TTLL1: variants seen among roughly 807,000 people sequenced by gnomAD.
TTLL1 encodes the protein polyglutamylase complex subunit TTLL1.
A neutral mutation model predicts 47.8 loss-of-function variants in TTLL1; 33 were observed. The ratio of observed to expected loss-of-function variants is 0.69; its 90% CI spans 0.52 to 0.92. The LOEUF is 0.92. Among genes scored for constraint, TTLL1 ranks in the 40% least tolerant of loss-of-function variants. The pLI is 0.00. For synonymous variants in TTLL1, 225 were observed against 214.1 expected, an observed-to-expected ratio of 1.05 and a Z score of -0.45; for missense variants, 488 against 547.5, an observed-to-expected ratio of 0.89 and a Z score of 1.08.
intron 7 of TTLL1, among the ~76,000 whole-genome samples, chr22:43,061,928 T>G (rs1267779726): frequency 6.6e-6 from 1 of 152,230 alleles, no homozygotes; most frequent in East Asian, 1.9e-4. Context: ...GGGCTTCTTT[T>G]GTTCCATGAT....
chr22:43,055,405 C>G (rs933511480), intron 8 of TTLL1, among the ~76,000 whole-genome samples: 3 of 152,052 alleles, frequency 2.0e-5, no homozygotes, highest in African/African-American at 7.2e-5. Flanking sequence ...GATCACAGCT[C>G]CCTGTAGCCT....
intron 5 of TTLL1, among the ~76,000 whole-genome samples, chr22:43,065,559 G>A (rs1481790342): frequency 4.0e-5 from 6 of 151,696 alleles, no homozygotes; most frequent in Admixed American, 3.9e-4. Flanking sequence ...CAAAGTGCTG[G>A]GATTACAGGC....
At chr22:43,078,399 G>A (rs1377485760) in intron 2 of TTLL1, among the ~76,000 whole-genome samples, 2 of 152,152 alleles carry the variant, frequency 1.3e-5, no homozygotes, top group African/African-American at 2.4e-5. Flanking sequence ...AGGAGGCTGA[G>A]GCAGGAGAAT....
intron 8 of TTLL1, among the ~76,000 whole-genome samples, chr22:43,054,423 CTTT>C (rs767193512): frequency 5.0e-5 from 7 of 139,234 alleles, no homozygotes; most frequent in Non-Finnish European, 4.7e-5. Flanking sequence ...GACATAATCT[CTTT>C]TTTTTTTTTT....
At position 43,039,693 on chromosome 22, in the gene TTLL1, G is replaced by T; in HGVS notation, c.*83C>A. 1.4e-6 allele frequency: 2 copies of T among 1,465,974 alleles called. No homozygotes were observed. The highest frequency in any genetic ancestry group is 1.9e-4 in the Middle Eastern group (1 of 5,376). 90.8% of individuals were successfully genotyped at this position (1,465,974 alleles called of 1,614,324 possible). On this transcript the variant is annotated 3_prime_UTR_variant, in exon 11 of 11. Transcript: ENST00000266254. ...TTACAGGGCTTAGGAAAGGAAAAAA[G>T]CTCTACAAAAGGGAAATTTCAAAAT...
intron 8 of TTLL1, 97 bp downstream of exon 8, chr22:43,059,287 C>T: frequency 6.6e-7 from 1 of 1,503,776 alleles, no homozygotes; most frequent in Non-Finnish European, 8.9e-7. Flanking sequence ...AGCCGCCGCG[C>T]ACAGCTGAAA....
At chr22:43,046,360 C>T (rs772302425) in intron 10 of TTLL1, 50 bp downstream of exon 10, 64 of 1,601,612 alleles carry the variant, frequency 4.0e-5, no homozygotes, top group Middle Eastern at 3.4e-4. Context: ...CTATGGCACA[C>T]GCCATTCGGA....
intron 7 of TTLL1, among the ~76,000 whole-genome samples, chr22:43,060,455 C>G: frequency 6.6e-6 from 1 of 152,012 alleles, no homozygotes; most frequent in Non-Finnish European, 1.5e-5. Flanking sequence ...ATCAGCTTGC[C>G]GACTTCTACC....
chr22:43,057,632 C>T (rs1555959854), intron 8 of TTLL1, among the ~76,000 whole-genome samples: 2 of 152,090 alleles, frequency 1.3e-5, no homozygotes, highest in South Asian at 2.1e-4. Context: ...TCTGGGCCCA[C>T]ATCTGAGTAG....
Position 43,063,883 on chromosome 22 carries a change from T to C in TTLL1, c.677A>G (p.Tyr226Cys). The C allele has an allele frequency of 6.2e-7, 1 of 1,614,104 alleles. No homozygotes were observed. The change falls in exon 7 of 11, where the codon TAC (tyrosine) becomes TGC (cysteine). Residue 226 changes from tyrosine (Y) to cysteine (C), a missense_variant. By Grantham distance (194) the Tyr-to-Cys change is radical (BLOSUM62 -2). Transcript: ENST00000266254. ...GTCCAGCTCACTGGTACTCGGGGTG[T>C]ATTTCACTGTGCAGAACCGGCAAAA... is the stretch of plus-strand genomic sequence containing the variant. ...LGFCRFCTVK[Y>C]TPSTSELDNM...
intron 10 of TTLL1, among the ~76,000 whole-genome samples, chr22:43,045,007 C>T (rs1006140557): frequency 6.6e-6 from 1 of 152,030 alleles, no homozygotes. Flanking sequence ...ACATTACAAG[C>T]GCGCACTACC....
rs1009852330 is a variant in TTLL1, at chr22:43,078,450, C to T, written c.-5+1452G>A. ...GGCGGAGGTCACAGTGAGCCAAGAT[C>T]GCACCATTGCACTCTAGCCTGGGCG... is the stretch of plus-strand genomic sequence containing the variant. On this transcript the variant is annotated intron_variant, in intron 2 of 10. Transcript: ENST00000266254. Among the ~76,000 whole-genome samples the T allele has an allele frequency of 2.6e-5, 4 of 151,890 alleles. No homozygotes were observed. In the South Asian group the frequency reaches 8.3e-4, roughly 32 times the overall value.
intron 7 of TTLL1, among the ~76,000 whole-genome samples, chr22:43,060,612 C>T (rs924797265): frequency 6.6e-6 from 1 of 152,212 alleles, no homozygotes; most frequent in Non-Finnish European, 1.5e-5. Flanking sequence ...GAAGCTGTTA[C>T]TTGGCCAAGC....
chr22:43,060,438 C>T (rs988276077), intron 7 of TTLL1, among the ~76,000 whole-genome samples: 3 of 152,212 alleles, frequency 2.0e-5, no homozygotes, highest in Non-Finnish European at 4.4e-5. Context: ...GCCTCCACTG[C>T]AGCAACATCA....
intron 5 of TTLL1, among the ~76,000 whole-genome samples, chr22:43,065,873 G>C (rs1439350292): frequency 3.3e-5 from 5 of 151,998 alleles, no homozygotes; most frequent in Non-Finnish European, 2.9e-5. Context: ...ACCTAAAACT[G>C]CTCTAAAAAA....
chr22:43,056,177 T>A (rs1926987551), intron 8 of TTLL1, among the ~76,000 whole-genome samples: 1 of 151,710 alleles, frequency 6.6e-6, no homozygotes, highest in South Asian at 2.1e-4. Context: ...CTAGCCAACA[T>A]GGTGAAACCT....
rs2146986904 is a variant in TTLL1 at position 43,075,535 on chromosome 22, T to G, written c.52A>C (p.Asn18His). 6.2e-7 allele frequency: 1 copy of G among 1,614,218 alleles called. No homozygotes were observed. Among genetic ancestry groups the G allele is most frequent in the Non-Finnish European group, 8.5e-7 (1 of 1,180,034 alleles). The change falls in exon 3 of 11, where the codon AAT (asparagine) becomes CAT (histidine). Residue 18 changes from asparagine to histidine, a missense_variant. Coordinates refer to ENST00000266254, the MANE Select transcript of TTLL1 (RefSeq NM_012263.5). ...ACCCATCCTCTCTTTTCAAAGTTAT[T>G]GATCAGCACTGACTTCTCGATATCA... ...VTDIEKSVLI[N>H]NFEKRGWVQV...
chr22:43,049,112 T>C (rs1289162190), intron 9 of TTLL1, among the ~76,000 whole-genome samples: 1 of 149,020 alleles, frequency 6.7e-6, no homozygotes, highest in African/African-American at 2.5e-5. Context: ...CAAACCGGCA[T>C]ATGTGCCCCC....
chr22:43,047,057 A>T (rs529340963), intron 9 of TTLL1, among the ~76,000 whole-genome samples: 11 of 152,304 alleles, frequency 7.2e-5, no homozygotes, highest in Non-Finnish European at 1.6e-4. Context: ...TTAGCTGTTC[A>T]ATGAAATATA....
Sources: allele counts gnomAD v4.1 joint callset (sites outside exome capture counted in the v4.1 genomes callset), GRCh38; gene constraint gnomAD v4.1.1; transcripts MANE v1.5; gene names NCBI Gene and HGNC (gene_info 2026-07-23, HGNC 2026-07-21).